Variants in NRXN3 observed in about 807,000 individuals in gnomAD.
The protein encoded by NRXN3 is neurexin III.
Under a neutral mutation model 137.6 loss-of-function variants are expected in NRXN3, and 32 were observed. The observed-to-expected ratio is 0.23, with a 90% CI of 0.18 to 0.31. The LOEUF (loss-of-function observed/expected upper bound fraction) is 0.31. Ranked by LOEUF, NRXN3 falls within the 10% of genes least tolerant of loss-of-function variation. NRXN3 has a pLI of 1.00. For missense variants in NRXN3, 1,574 were observed against 2,062.5 expected, an observed-to-expected ratio of 0.76 and a Z score of 4.59; for synonymous variants, 798 against 784.5, an observed-to-expected ratio of 1.02 and a Z score of -0.29.
intron 4 of NRXN3, among the ~76,000 whole-genome samples, chr14:78,311,649 G>C (rs1333073570): frequency 6.6e-6 from 1 of 152,076 alleles, no homozygotes; most frequent in African/African-American, 2.4e-5. Flanking sequence ...CAAAAGATTG[G>C]ACAGTCCTGC....
intron 10 of NRXN3, among the ~76,000 whole-genome samples, chr14:78,875,131 T>C (rs2099110907): frequency 6.6e-6 from 1 of 152,204 alleles, no homozygotes; most frequent in South Asian, 2.1e-4. Flanking sequence ...CATAACGTTT[T>C]GCTGAACAGT....
chr14:78,629,328 C>A (rs59894315), intron 4 of NRXN3, among the ~76,000 whole-genome samples: 1 of 152,120 alleles, frequency 6.6e-6, no homozygotes, highest in East Asian at 1.9e-4. Flanking sequence ...CTACTTTAGC[C>A]GAGGTAGTGG....
Position 79,644,859 on chromosome 14 carries a change from G to A in NRXN3, c.3445-18919G>A, listed in dbSNP as rs909053672. ...CAAAACTATCCTGTGAAGTATGTAG[G>A]CTAGGTGGTTTCATTACCATTTTTG... On this transcript the variant is annotated intron_variant, in intron 16 of 20. Transcript: ENST00000335750. Among the ~76,000 whole-genome samples the A allele has an allele frequency of 8.1e-5, 11 of 135,268 alleles. 1 individual carries two copies. The highest frequency in any genetic ancestry group is 2.7e-4 in the African/African-American group (11 of 40,656). The allele number at this position is 135,268 out of a possible 152,430, so 88.7% of individuals were successfully genotyped here.
intron 3 of NRXN3, chr14:78,283,511 ATT>A (rs879470516): frequency 4.9e-5 from 7 of 143,702 alleles, no homozygotes; most frequent in African/African-American, 1.0e-4. Flanking sequence ...TCTGGCTAAC[ATT>A]TTTTTTTTTT....
At chr14:78,448,372 G>C (rs960217972) in intron 4 of NRXN3, among the ~76,000 whole-genome samples, 3 of 152,240 alleles carry the variant, frequency 2.0e-5, no homozygotes, top group African/African-American at 4.8e-5. Context: ...AGCGTTGCTG[G>C]AGGAGGTGAC....
At chr14:78,929,405 T>C (rs926573211) in intron 10 of NRXN3, among the ~76,000 whole-genome samples, 1 of 152,192 alleles carries the variant, frequency 6.6e-6, no homozygotes, top group African/African-American at 2.4e-5. Flanking sequence ...CCCCTCTATT[T>C]ATTCATATGT....
At chr14:79,775,000 C>T (rs748537322) in intron 19 of NRXN3, among the ~76,000 whole-genome samples, 1 of 151,728 alleles carries the variant, frequency 6.6e-6, no homozygotes, top group African/African-American at 2.4e-5. Flanking sequence ...CTTTTCCTAC[C>T]ACTGAAATTG....
chr14:78,303,843 G>A (rs770154818), intron 4 of NRXN3, among the ~76,000 whole-genome samples: 4 of 151,982 alleles, frequency 2.6e-5, no homozygotes, highest in African/African-American at 4.8e-5. Flanking sequence ...CTTGAGTCAC[G>A]TTTACTCATG....
chr14:78,895,027 C>T (rs917257393), intron 10 of NRXN3, among the ~76,000 whole-genome samples: 1 of 151,452 alleles, frequency 6.6e-6, no homozygotes, highest in Non-Finnish European at 1.5e-5. Context: ...GTAGATTTTG[C>T]TAAATTCTGG....
chr14:78,334,306 G>A (rs138548079), intron 4 of NRXN3, among the ~76,000 whole-genome samples: 137 of 152,294 alleles, frequency 9.0e-4, no homozygotes, highest in Non-Finnish European at 1.5e-3. Flanking sequence ...ATTAAAGCCA[G>A]GGCACTTTCC....
At chr14:79,738,851 G>A (rs745477511) in intron 19 of NRXN3, among the ~76,000 whole-genome samples, 25 of 152,236 alleles carry the variant, frequency 1.6e-4, no homozygotes, top group Middle Eastern at 3.4e-3. Context: ...GAGCCACTGC[G>A]CCCAGCCAAA....
At chr14:79,855,663 T>A (rs1265698598) in intron 20 of NRXN3, among the ~76,000 whole-genome samples, 1 of 152,128 alleles carries the variant, frequency 6.6e-6, no homozygotes, top group Non-Finnish European at 1.5e-5. Context: ...TACTTTAGCA[T>A]GAAGCCACTA....
At chr14:79,032,456 A>G (rs755570101) in intron 15 of NRXN3, among the ~76,000 whole-genome samples, 62 of 152,170 alleles carry the variant, frequency 4.1e-4, no homozygotes, top group Non-Finnish European at 1.3e-4. Context: ...TCTACCATAA[A>G]CAGAACTGAC....
At position 78,243,527 on chromosome 14, in the gene NRXN3, G is replaced by C; in HGVS notation, c.434G>C (p.Ser145Thr). The part of the protein sequence containing the change: ...QPQRPYMDVV[S>T]DLFLGGVPTD... ...CAGCGGCCCTACATGGATGTGGTCA[G>C]TGACTTGTTCCTTGGTGGAGTCCCT... The change falls in exon 2 of 21, where the codon AGT (serine) becomes ACT (threonine). Residue 145 changes from serine (S) to threonine (T), a missense_variant. Ser to Thr is a moderately conservative substitution (Grantham distance 58, BLOSUM62 1). Coordinates refer to ENST00000335750, the MANE Select transcript of NRXN3 (RefSeq NM_001330195.2). This position sits in a 1 kb window ranked among gnomAD's most constrained non-coding sequence, Gnocchi z 4.2. The C allele has an allele frequency of 6.3e-7, 1 of 1,596,862 alleles. No homozygotes were observed. The highest frequency in any genetic ancestry group is 2.2e-5 in the East Asian group (1 of 44,838).
At chr14:79,814,413 G>A (rs1229046501) in intron 20 of NRXN3, among the ~76,000 whole-genome samples, 2 of 152,024 alleles carry the variant, frequency 1.3e-5, no homozygotes, top group South Asian at 2.1e-4. Context: ...TTACCCCTAG[G>A]GAACTTCACA....
At chr14:78,731,923 A>G (rs1024020764) in intron 8 of NRXN3, among the ~76,000 whole-genome samples, 1 of 25,692 alleles carries the variant, frequency 3.9e-5, no homozygotes, top group Non-Finnish European at 1.1e-4. Flanking sequence ...TTTGCCAGCT[A>G]TTGCCTCAGT....
At chr14:79,231,849 A>T (rs2072261678) in intron 15 of NRXN3, among the ~76,000 whole-genome samples, 1 of 152,138 alleles carries the variant, frequency 6.6e-6, no homozygotes, top group Admixed American at 6.6e-5. Flanking sequence ...AATTAAAATG[A>T]CCATTTCTTT....
intron 4 of NRXN3, among the ~76,000 whole-genome samples, chr14:78,559,447 A>G (rs543851648): frequency 2.6e-5 from 4 of 152,340 alleles, no homozygotes; most frequent in South Asian, 2.1e-4. Context: ...CTCTGCTTCA[A>G]TTCCACAATT....
intron 15 of NRXN3, among the ~76,000 whole-genome samples, chr14:79,433,874 C>G (rs1490437448): frequency 6.6e-6 from 1 of 152,172 alleles, no homozygotes; most frequent in Non-Finnish European, 1.5e-5. Context: ...TGGAGTGGTT[C>G]TTTTGCAGAG....
Sources: gnomAD v4.1 joint callset for allele counts (sites outside exome capture counted in the v4.1 genomes callset) on GRCh38, gnomAD v4.1.1 for gene constraint, Gnocchi (gnomAD v3.1) non-coding constraint, MANE v1.5 for transcripts, NCBI Gene and HGNC (gene_info 2026-07-23, HGNC 2026-07-21) for gene names.